TASP1: variants seen among roughly 807,000 people sequenced by gnomAD.
TASP1 encodes taspase 1.
In TASP1, 16 loss-of-function variants were observed where a neutral mutation model predicts 56.6. The ratio of observed to expected loss-of-function variants is 0.28; its 90% CI spans 0.19 to 0.43. The LOEUF is 0.43. Ranked by LOEUF, TASP1 falls within the 20% of genes least tolerant of loss-of-function variation. TASP1 has a pLI of 1.00. For synonymous variants in TASP1, 179 were observed against 184.2 expected (o/e 0.97, Z 0.23); for missense variants, 393 against 511.6 (o/e 0.77, Z 2.24).
intron 11 of TASP1, among the ~76,000 whole-genome samples, chr20:13,467,931 G>A (rs972137729): frequency 4.0e-4 from 61 of 151,934 alleles, no homozygotes; most frequent in Non-Finnish European, 2.8e-4. Context: ...CAGGAGAATC[G>A]CTTGAACCCA....
the TASP1 span, among the ~76,000 whole-genome samples, chr20:13,179,889 T>C: frequency 6.6e-6 from 1 of 152,132 alleles, no homozygotes; most frequent in East Asian, 1.9e-4. Flanking sequence ...TGTCATTCTG[T>C]AGGATGAATC....
chr20:13,594,625 A>G (rs1360135701), intron 4 of TASP1, among the ~76,000 whole-genome samples: 2 of 152,238 alleles, frequency 1.3e-5, no homozygotes, highest in Non-Finnish European at 2.9e-5. Context: ...AAAGGATATC[A>G]GTGATTGAAG....
intron 10 of TASP1, among the ~76,000 whole-genome samples, chr20:13,484,934 A>C (rs572585264): frequency 1.3e-4 from 20 of 152,152 alleles, no homozygotes; most frequent in Non-Finnish European, 2.8e-4. Flanking sequence ...GAACAATGAG[A>C]ACACATGGAC....
chr20:13,610,585 TAA>T (rs2048318650), intron 4 of TASP1, among the ~76,000 whole-genome samples: 2 of 152,222 alleles, frequency 1.3e-5, no homozygotes, highest in Admixed American at 6.5e-5. Flanking sequence ...ATTTTCAAAA[TAA>T]GATTGCAAAT....
At chr20:13,457,365 T>C (rs955423461) in intron 11 of TASP1, among the ~76,000 whole-genome samples, 1 of 152,118 alleles carries the variant, frequency 6.6e-6, no homozygotes, top group Non-Finnish European at 1.5e-5. Flanking sequence ...CAGGATGGTA[T>C]ATATACGATA....
chr20:13,410,406 A>G (rs6042078), intron 13 of TASP1, among the ~76,000 whole-genome samples: 81 of 152,240 alleles, frequency 5.3e-4, no homozygotes, highest in African/African-American at 1.7e-3. Context: ...AAATCTCCAT[A>G]TTGTTTCCCA....
chr20:13,343,319 G>A, the TASP1 span, among the ~76,000 whole-genome samples: 2 of 152,230 alleles, frequency 1.3e-5, no homozygotes, highest in African/African-American at 4.8e-5. Flanking sequence ...CCTGAGGGAG[G>A]CACAGCTTGG....
intron 5 of TASP1, among the ~76,000 whole-genome samples, chr20:13,583,304 A>G (rs1303207178): frequency 6.6e-6 from 1 of 152,202 alleles, no homozygotes; most frequent in East Asian, 1.9e-4. Context: ...TACTCACACA[A>G]TGACTGTAGA....
chr20:13,172,779 T>G, the TASP1 span, among the ~76,000 whole-genome samples: 1 of 152,096 alleles, frequency 6.6e-6, no homozygotes, highest in South Asian at 2.1e-4. Flanking sequence ...CTTTAAAAAA[T>G]TACTTGATGA....
the TASP1 span, among the ~76,000 whole-genome samples, chr20:13,254,832 T>G: frequency 2.0e-5 from 3 of 152,184 alleles, no homozygotes; most frequent in Non-Finnish European, 4.4e-5. Flanking sequence ...TCGAGAGATG[T>G]AGGAGGAGTC....
chr20:13,328,307 A>G, the TASP1 span, among the ~76,000 whole-genome samples: 11 of 152,142 alleles, frequency 7.2e-5, no homozygotes, highest in Non-Finnish European at 1.3e-4. Flanking sequence ...TCAAGAAACA[A>G]TGGATGCTGG....
At chr20:13,230,028 A>G in the TASP1 span, among the ~76,000 whole-genome samples, 36 of 152,270 alleles carry the variant, frequency 2.4e-4, no homozygotes, top group Admixed American at 9.1e-4. Context: ...ATAAAGTTCT[A>G]TCATTTGTGC....
At chr20:13,358,141 C>A in the TASP1 span, among the ~76,000 whole-genome samples, 1 of 152,228 alleles carries the variant, frequency 6.6e-6, no homozygotes, top group Non-Finnish European at 1.5e-5. Flanking sequence ...CTCACTCCTG[C>A]CCGCCAGAGA....
At chr20:13,250,854 A>G in the TASP1 span, among the ~76,000 whole-genome samples, 1 of 152,194 alleles carries the variant, frequency 6.6e-6, no homozygotes, top group Non-Finnish European at 1.5e-5. Context: ...TCAGCTTTTA[A>G]GTATGTTGGG....
the TASP1 span, among the ~76,000 whole-genome samples, chr20:13,142,386 T>G: frequency 6.6e-6 from 1 of 152,154 alleles, no homozygotes; most frequent in African/African-American, 2.4e-5. Context: ...CCATGTTGGT[T>G]CAGTACAAGT....
chr20:13,215,115 A>C, the TASP1 span, among the ~76,000 whole-genome samples: 1 of 152,172 alleles, frequency 6.6e-6, no homozygotes, highest in African/African-American at 2.4e-5. Flanking sequence ...TAATTTTTGA[A>C]AGTTTACTTT....
chr20:13,530,719 C>A (rs1001754722), intron 9 of TASP1, among the ~76,000 whole-genome samples: 2 of 152,148 alleles, frequency 1.3e-5, no homozygotes, highest in Non-Finnish European at 2.9e-5. Context: ...CTTTATGATA[C>A]CCTTCCTTAG....
the TASP1 span, among the ~76,000 whole-genome samples, chr20:13,128,057 T>C: frequency 6.6e-6 from 1 of 152,222 alleles, no homozygotes; most frequent in Non-Finnish European, 1.5e-5. Context: ...CATCCAGTTA[T>C]GAAGTGAGAA....
the TASP1 span, among the ~76,000 whole-genome samples, chr20:13,292,716 G>A: frequency 6.6e-6 from 1 of 152,106 alleles, no homozygotes; most frequent in East Asian, 1.9e-4. Context: ...AGGCAGATGG[G>A]GACCTGTCTC....
Sources: gnomAD v4.1 joint callset for allele counts (sites outside exome capture counted in the v4.1 genomes callset) on GRCh38, gnomAD v4.1.1 for gene constraint, MANE v1.5 for transcripts, NCBI Gene and HGNC (gene_info 2026-07-23, HGNC 2026-07-21) for gene names.